Variants in FAM169A observed in about 807,000 individuals in gnomAD.
FAM169A encodes the protein family with sequence similarity 169 member A, also known as soluble lamin-associated protein of 75 kDa.
In FAM169A, 24 loss-of-function variants were observed where a neutral mutation model predicts 75.7. The observed-to-expected ratio is 0.32, with a 90% confidence interval of 0.23 to 0.45. The LOEUF is 0.45. Among genes scored for constraint, FAM169A ranks in the 20% least tolerant of loss-of-function variants. The pLI is 1.00. For missense variants in FAM169A, 673 were observed against 784.0 expected, an observed-to-expected ratio of 0.86 and a Z score of 1.69; for synonymous variants, 271 against 271.0, an observed-to-expected ratio of 1.00 and a Z score of 0.00.
Position 74,781,439 on chromosome 5 carries a change from A to T in FAM169A, c.*21T>A, listed in dbSNP as rs1012867069. ...AACTATGTTACAAAGAAGAGGATTT[A>T]TCATCCACTTTCTTCTTCCTTCAGG... On this transcript the variant is annotated 3_prime_UTR_variant, in exon 13 of 13. Transcript: ENST00000687041. 6.3e-7 allele frequency: 1 copy of T among 1,594,386 alleles called. No homozygotes were observed. Among genetic ancestry groups the T allele is most frequent in the Non-Finnish European group, 8.6e-7 (1 of 1,165,950 alleles).
At chr5:74,853,077 A>G (rs1749524655) in intron 1 of FAM169A, among the ~76,000 whole-genome samples, 1 of 152,188 alleles carries the variant, frequency 6.6e-6, no homozygotes, top group African/African-American at 2.4e-5. Context: ...CAGCACATGT[A>G]AAAAGTGAGG....
At chr5:74,786,401 T>TA (rs1032060674) in intron 11 of FAM169A, among the ~76,000 whole-genome samples, 26 of 152,320 alleles carry the variant, frequency 1.7e-4, no homozygotes, top group African/African-American at 5.5e-4. Flanking sequence ...GTTGGCTCCT[T>TA]AATATGATCA....
rs1249835464 is a variant in FAM169A at position 74,781,225 on chromosome 5, T to C, written c.*235A>G. 1.3e-5 allele frequency: 6 copies of C among 465,944 alleles called. No individual in the cohort carries two copies. Among genetic ancestry groups the C allele is most frequent in the East Asian group, 3.3e-5 (1 of 30,198 alleles). 28.9% of individuals were successfully genotyped at this position (465,944 alleles called of 1,614,324 possible). On this transcript the variant is annotated 3_prime_UTR_variant, in exon 13 of 13. Transcript: ENST00000687041. ...TATAATATGATCTGGTTTCCCAAAATTGAAACATGGTTAATAAAAATAAAA... is the reference window on the plus strand; with the variant it reads ...TATAATATGATCTGGTTTCCCAAAACTGAAACATGGTTAATAAAAATAAAA...
At chr5:74,866,904 C>T (rs1258999990), upstream of FAM169A, 1 of 985,416 alleles carries the variant, frequency 1.0e-6, no homozygotes, top group Non-Finnish European at 1.2e-6. Context: ...CCACCACTTT[C>T]ATCCTAAACC....
chr5:74,857,703 C>T (rs1749798510), intron 1 of FAM169A, among the ~76,000 whole-genome samples: 1 of 150,070 alleles, frequency 6.7e-6, no homozygotes, highest in African/African-American at 2.5e-5. Flanking sequence ...CTGAGACTTT[C>T]CAACAATAAA....
chr5:74,816,408 C>T (rs1173268024), intron 5 of FAM169A, among the ~76,000 whole-genome samples: 1 of 152,070 alleles, frequency 6.6e-6, no homozygotes, highest in Non-Finnish European at 1.5e-5. Flanking sequence ...AACATTCCTT[C>T]TAGTAAAGGG....
Position 74,781,328 on chromosome 5 carries a change from C to CAT in FAM169A, c.*130_*131dup. ...CGTTCTAAAGGGAAGCAAAAAACTGCATAGTAAGTAAGTTCAAATTGAAAT... is the reference window on the plus strand; with the variant it reads ...CGTTCTAAAGGGAAGCAAAAAACTGCATATAGTAAGTAAGTTCAAATTGAAAT... On this transcript the variant is annotated 3_prime_UTR_variant, in exon 13 of 13. Coordinates refer to ENST00000687041, the MANE Select transcript of FAM169A (RefSeq NM_001376049.1). 1.3e-6 allele frequency: 1 copy of CAT among 758,386 alleles called. No individual in the cohort carries two copies. The highest frequency in any genetic ancestry group is 2.0e-5 in the South Asian group (1 of 50,218). The allele number at this position is 758,386 out of a possible 1,614,324, so 47.0% of individuals were successfully genotyped here. A position where few individuals can be genotyped will look rare whatever the true frequency, so the allele number is the denominator to read the frequency against.
intron 3 of FAM169A, among the ~76,000 whole-genome samples, chr5:74,839,731 T>G (rs1748760375): frequency 6.6e-6 from 1 of 151,672 alleles, no homozygotes; most frequent in Non-Finnish European, 1.5e-5. Flanking sequence ...ACCATGTTGG[T>G]CAGGCTGGTC....
chr5:74,819,837 T>C (rs1747680269), intron 5 of FAM169A, among the ~76,000 whole-genome samples: 1 of 151,922 alleles, frequency 6.6e-6, no homozygotes, highest in Admixed American at 6.6e-5. Context: ...AATAGATTAG[T>C]GGTTGTTGAG....
chr5:74,851,860 G>A lies in FAM169A; in HGVS notation c.-3-10181C>T, dbSNP rs186255399. 2.7e-3 allele frequency among the ~76,000 whole-genome samples: 404 copies of A among 152,198 alleles called. 3 individuals are homozygous for A. The highest frequency in any genetic ancestry group is 8.0e-3 in the African/African-American group (333 of 41,494). On this transcript the variant is annotated intron_variant, in intron 1 of 12. Coordinates refer to ENST00000687041, the MANE Select transcript of FAM169A (RefSeq NM_001376049.1). ...ACATTATACCTGGCTTCTCTACCAC[G>A]TATCTGACTATACAGGGACTTTAGT...
rs372137176 is a variant in FAM169A, at chr5:74,841,711, G to C, written c.-3-32C>G. ...CAAACAACATGGAACAAACAATTCA[G>C]AATATGAAACGCCATCTTCCTTTAC... On this transcript the variant is annotated intron_variant, in intron 1 of 12. Transcript: ENST00000687041. The C allele has an allele frequency of 1.2e-4, 184 of 1,565,146 alleles. No homozygotes were observed. In the African/African-American group the frequency reaches 2.2e-3, roughly 19 times the overall value.
intron 8 of FAM169A, among the ~76,000 whole-genome samples, chr5:74,804,280 G>A (rs949152821): frequency 2.0e-5 from 3 of 151,604 alleles, no homozygotes; most frequent in Non-Finnish European, 2.9e-5. Context: ...CCTTAAATTA[G>A]CTCATACTTT....
intron 1 of FAM169A, among the ~76,000 whole-genome samples, chr5:74,852,880 T>C (rs1185925030): frequency 1.3e-5 from 2 of 152,134 alleles, no homozygotes; most frequent in African/African-American, 4.8e-5. Context: ...CAGCTACATA[T>C]AGGTTGGATT....
At chr5:74,832,111 G>A (rs1258346578) in intron 5 of FAM169A, among the ~76,000 whole-genome samples, 1 of 151,858 alleles carries the variant, frequency 6.6e-6, no homozygotes, top group Admixed American at 6.6e-5. Context: ...TACTTCATTT[G>A]AAAGACTAGG....
chr5:74,854,776 A>T (rs1190551752), intron 1 of FAM169A, among the ~76,000 whole-genome samples: 1 of 152,186 alleles, frequency 6.6e-6, no homozygotes, highest in Non-Finnish European at 1.5e-5. Flanking sequence ...GTTGTTGCAA[A>T]TAATAGGATC....
intron 1 of FAM169A, chr5:74,865,937 C>A (rs1307257513): frequency 6.5e-6 from 1 of 152,700 alleles, no homozygotes; most frequent in Non-Finnish European, 1.5e-5. Context: ...CTGGGGGCGC[C>A]ACACGCCCTA....
At chr5:74,802,385 T>TAA (rs1238276714) in intron 8 of FAM169A, among the ~76,000 whole-genome samples, 1 of 142,166 alleles carries the variant, frequency 7.0e-6, no homozygotes, top group Non-Finnish European at 1.6e-5. Flanking sequence ...ATTTTTTTGA[T>TAA]AAAAAAAAAA....
intron 6 of FAM169A, among the ~76,000 whole-genome samples, chr5:74,813,183 C>T (rs1747294692): frequency 6.6e-6 from 1 of 152,076 alleles, no homozygotes; most frequent in African/African-American, 2.4e-5. Context: ...ATGGTGACTG[C>T]GAATTGGTAC....
intron 5 of FAM169A, among the ~76,000 whole-genome samples, chr5:74,814,606 T>C (rs554536652): frequency 1.1e-4 from 16 of 152,330 alleles, no homozygotes; most frequent in Non-Finnish European, 1.6e-4. Context: ...GTCTTAGACA[T>C]GGATAAAATT....
Sources: gnomAD v4.1 joint callset for allele counts (sites outside exome capture counted in the v4.1 genomes callset) on GRCh38, gnomAD v4.1.1 for gene constraint, MANE v1.5 for transcripts, NCBI Gene and HGNC (gene_info 2026-07-23, HGNC 2026-07-21) for gene names.